Variants in PAK1 observed in about 807,000 individuals in gnomAD.
PAK1 encodes the protein serine/threonine-protein kinase PAK 1.
PAK1 carries 29 observed loss-of-function variants against 67.4 expected under a neutral mutation model. The observed-to-expected ratio is 0.43, with a 90% CI of 0.32 to 0.59. The LOEUF (loss-of-function observed/expected upper bound fraction) is 0.59. Ranked by LOEUF, PAK1 falls within the 20% of genes least tolerant of loss-of-function variation. The pLI, the probability that PAK1 is intolerant of heterozygous loss-of-function variation, is 0.07. For missense variants in PAK1, 337 were observed against 670.7 expected, an observed-to-expected ratio of 0.50 and a Z score of 5.50; for synonymous variants, 223 against 237.4, an observed-to-expected ratio of 0.94 and a Z score of 0.56.
the PAK1 span, among the ~76,000 whole-genome samples, chr11:77,496,372 C>T: frequency 6.6e-6 from 1 of 152,126 alleles, no homozygotes; most frequent in African/African-American, 2.4e-5. Flanking sequence ...ATCTTATAAT[C>T]CCATCACTTT....
chr11:77,416,914 C>T (rs1237477037), intron 1 of PAK1, among the ~76,000 whole-genome samples: 1 of 151,758 alleles, frequency 6.6e-6, no homozygotes, highest in South Asian at 2.1e-4. Context: ...GATTGTGCCA[C>T]TGCACTCCAG....
the PAK1 span, among the ~76,000 whole-genome samples, chr11:77,509,398 A>G: frequency 2.6e-5 from 4 of 152,254 alleles, no homozygotes; most frequent in South Asian, 2.1e-4. Context: ...TGAATTATCC[A>G]TTATAAAATG....
intron 4 of PAK1, among the ~76,000 whole-genome samples, chr11:77,376,770 A>C (rs1019020179): frequency 6.6e-6 from 1 of 152,126 alleles, no homozygotes; most frequent in Non-Finnish European, 1.5e-5. Context: ...GTGTTGAAAA[A>C]ATAGAAATAC....
intron 1 of PAK1, among the ~76,000 whole-genome samples, chr11:77,421,416 C>T (rs1955254275): frequency 6.6e-6 from 1 of 152,152 alleles, no homozygotes. Context: ...AAAAATCCCC[C>T]TCTACTCTAT....
At chr11:77,373,421 G>A (rs1474250279) in intron 5 of PAK1, among the ~76,000 whole-genome samples, 2 of 152,044 alleles carry the variant, frequency 1.3e-5, no homozygotes, top group Admixed American at 1.3e-4. Flanking sequence ...TAAGCTGAGT[G>A]TGATGGCTTA....
chr11:77,354,738 G>A (rs189201651), intron 7 of PAK1, among the ~76,000 whole-genome samples: 306 of 152,282 alleles, frequency 2.0e-3, no homozygotes, highest in African/African-American at 7.0e-3. Context: ...AATTAATCAG[G>A]AAGAACTAGA....
At chr11:77,415,411 A>G (rs1313040444) in intron 1 of PAK1, among the ~76,000 whole-genome samples, 5 of 152,226 alleles carry the variant, frequency 3.3e-5, no homozygotes, top group African/African-American at 1.2e-4. Context: ...TTGTTATGCG[A>G]ACATCACAGA....
chr11:77,514,759 C>T, the PAK1 span, among the ~76,000 whole-genome samples: 1 of 152,136 alleles, frequency 6.6e-6, no homozygotes, highest in Non-Finnish European at 1.5e-5. Context: ...ATGAGATCAG[C>T]ACATCAAAAT....
At chr11:77,407,952 G>A (rs184226664) in intron 1 of PAK1, among the ~76,000 whole-genome samples, 1 of 152,162 alleles carries the variant, frequency 6.6e-6, no homozygotes, top group African/African-American at 2.4e-5. Context: ...AGCCCCAAAA[G>A]TAGGCAGAAA....
chr11:77,349,477 G>A (rs1438572026), intron 8 of PAK1, 190 bp from the exon 9 acceptor site: 2 of 579,538 alleles, frequency 3.5e-6, no homozygotes, highest in African/African-American at 3.7e-5. Context: ...GTAGGCTCTA[G>A]TGGCCAGGAG....
intron 1 of PAK1, among the ~76,000 whole-genome samples, chr11:77,427,369 A>C (rs1412032015): frequency 1.3e-5 from 2 of 152,138 alleles, no homozygotes; most frequent in Non-Finnish European, 2.9e-5. Context: ...ATTTAGGATG[A>C]CAGTGTAGAT....
intron 1 of PAK1, among the ~76,000 whole-genome samples, chr11:77,410,464 G>C (rs1326399545): frequency 6.6e-6 from 1 of 152,114 alleles, no homozygotes; most frequent in African/African-American, 2.4e-5. Context: ...AAGTGAGTTA[G>C]GTAGAAAACA....
At chr11:77,445,520 C>T (rs185451741) in intron 1 of PAK1, among the ~76,000 whole-genome samples, 6 of 152,290 alleles carry the variant, frequency 3.9e-5, no homozygotes, top group African/African-American at 1.2e-4. Context: ...GTATCATCTA[C>T]CATTCTTAGG....
At chr11:77,388,003 A>G (rs1950660973) in intron 2 of PAK1, among the ~76,000 whole-genome samples, 1 of 152,256 alleles carries the variant, frequency 6.6e-6, no homozygotes, top group African/African-American at 2.4e-5. Context: ...ATAGCCATCA[A>G]GGGTCTTAAA....
chr11:77,446,129 T>A (rs1471867381), intron 1 of PAK1, among the ~76,000 whole-genome samples: 1 of 152,214 alleles, frequency 6.6e-6, no homozygotes, highest in African/African-American at 2.4e-5. Flanking sequence ...ATGCAGCAGA[T>A]AATAAATATA....
At chr11:77,490,917 A>T in the PAK1 span, among the ~76,000 whole-genome samples, 1 of 152,162 alleles carries the variant, frequency 6.6e-6, no homozygotes. Flanking sequence ...TGTTAAACAG[A>T]TGCTTGAAGG....
chr11:77,389,229 C>T (rs1401162160), intron 2 of PAK1, among the ~76,000 whole-genome samples: 1 of 152,208 alleles, frequency 6.6e-6, no homozygotes, highest in Non-Finnish European at 1.5e-5. Context: ...ACAGCATTTT[C>T]AAGGGTCATC....
intron 1 of PAK1, among the ~76,000 whole-genome samples, chr11:77,411,199 G>C (rs960769954): frequency 6.6e-6 from 1 of 151,964 alleles, no homozygotes; most frequent in Non-Finnish European, 1.5e-5. Flanking sequence ...ACAGTGTTGA[G>C]GGGGACATCT....
intron 2 of PAK1, among the ~76,000 whole-genome samples, chr11:77,390,693 G>C (rs996418461): frequency 1.4e-5 from 2 of 145,078 alleles, no homozygotes; most frequent in Admixed American, 1.4e-4. Context: ...GTAGAGACAA[G>C]GTCTTCCTAT....
Sources: allele counts gnomAD v4.1 joint callset (sites outside exome capture counted in the v4.1 genomes callset), GRCh38; gene constraint gnomAD v4.1.1; transcripts MANE v1.5; gene names NCBI Gene and HGNC (gene_info 2026-07-23, HGNC 2026-07-21).